The following USP34 variants were observed in gnomAD, a reference collection of about 807,000 sequenced individuals.
USP34 encodes the protein ubiquitin carboxyl-terminal hydrolase 34.
A neutral mutation model predicts 460.3 loss-of-function variants in USP34; 70 were observed. The observed-to-expected ratio is 0.15, with a 90% confidence interval of 0.13 to 0.19. The LOEUF (loss-of-function observed/expected upper bound fraction) is 0.19, where lower values mean the gene tolerates loss of function less well. Among genes scored for constraint, USP34 ranks in the 10% least tolerant of loss-of-function variants. The pLI is 1.00. For synonymous variants in USP34, 1,647 were observed against 1,405.3 expected, an observed-to-expected ratio of 1.17 and a Z score of -3.85; for missense variants, 3,985 against 4,236.2, an observed-to-expected ratio of 0.94 and a Z score of 1.65.
chr2:61,417,262 T>C lies in USP34; in HGVS notation c.131+3484A>G, dbSNP rs948153731. ...CTGAAAGGCCTGTCTCCAAGGTCCC[T>C]TAGAGCAACCTATACAACAAACAGG... On this transcript the variant is annotated intron_variant, in intron 2 of 79. Transcript: ENST00000398571. 16 of 1,127,248 alleles carry C rather than the reference T, an allele frequency of 1.4e-5. No individual in the cohort carries two copies. The African/African-American group carries it at 2.1e-4, about 15-fold the overall frequency. The allele number at this position is 1,127,248 out of a possible 1,614,324, so 69.8% of individuals were successfully genotyped here. A position where few individuals can be genotyped will look rare whatever the true frequency, so the allele number is the denominator to read the frequency against.
At chr2:61,436,637 A>G (rs576187915) in intron 1 of USP34, among the ~76,000 whole-genome samples, 9 of 152,336 alleles carry the variant, frequency 5.9e-5, no homozygotes, top group African/African-American at 2.2e-4. Flanking sequence ...GATCATCTAG[A>G]CAGAATATAA....
In USP34 at chr2:61,283,225, A is replaced by G. The variant is rs777303984; in HGVS notation, c.4918T>C (p.Cys1640Arg). 19 of 1,613,696 alleles carry G rather than the reference A, an allele frequency of 1.2e-5. No individual in the cohort carries two copies. In the Admixed American group the frequency reaches 2.8e-4, roughly 24 times the overall value. ...GCAAGGCTAGATTTCACTAAAGAAC[A>G]GCAATGAGCCCAACTCACCAAGAGC... is the stretch of plus-strand genomic sequence containing the variant. ...MWLLVSWAHCCSLVKSSLADS... is the reference protein window; with the variant it reads ...MWLLVSWAHCRSLVKSSLADS... Residue 1640 changes from cysteine (C) to arginine (R), a missense_variant, in exon 37 of 80, where the codon TGT becomes CGT. Transcript: ENST00000398571.
intron 2 of USP34, among the ~76,000 whole-genome samples, chr2:61,414,793 G>C (rs1259287028): frequency 2.6e-5 from 4 of 152,226 alleles, no homozygotes; most frequent in African/African-American, 9.6e-5. Flanking sequence ...GTTTCCTATT[G>C]GTTACTTGGT....
At chr2:61,336,759 A>G (rs369139000) in intron 18 of USP34, among the ~76,000 whole-genome samples, 27 of 145,112 alleles carry the variant, frequency 1.9e-4, no homozygotes, top group South Asian at 6.6e-4. Context: ...GTCGTCAGCC[A>G]AGATCATGTC....
At chr2:61,420,153 TAGA>T (rs1219356527) in intron 2 of USP34, among the ~76,000 whole-genome samples, 1 of 152,212 alleles carries the variant, frequency 6.6e-6, no homozygotes, top group Non-Finnish European at 1.5e-5. Context: ...TAAAATTTTT[TAGA>T]AGGACTAAGT....
In USP34 at chr2:61,378,477, A is replaced by G. The variant is rs989626825; in HGVS notation, c.1015-53T>C. 15 of 1,238,424 alleles carry G rather than the reference A, an allele frequency of 1.2e-5. No individual in the cohort carries two copies. The African/African-American group carries it at 2.1e-4, about 18-fold the overall frequency. 76.7% of individuals were successfully genotyped at this position (1,238,424 alleles called of 1,614,324 possible). A position where few individuals can be genotyped will look rare whatever the true frequency, so the allele number is the denominator to read the frequency against. On this transcript the variant is annotated intron_variant, in intron 7 of 79. Coordinates refer to ENST00000398571, the MANE Select transcript of USP34 (RefSeq NM_014709.4). ...TTTTTATTTCCAAAATTATTCTTGC[A>G]TTTGTCAGCAAATACTAACATGGTA... is the stretch of plus-strand genomic sequence containing the variant.
At chr2:61,260,235 C>G (rs551114837) in intron 43 of USP34, among the ~76,000 whole-genome samples, 6 of 152,320 alleles carry the variant, frequency 3.9e-5, no homozygotes, top group African/African-American at 1.4e-4. Flanking sequence ...GAATACCAGC[C>G]AGGATCTTTG....
intron 18 of USP34, among the ~76,000 whole-genome samples, chr2:61,337,159 C>A (rs773594187): frequency 5.9e-5 from 9 of 152,200 alleles, no homozygotes; most frequent in Admixed American, 1.3e-4. Context: ...GGAGCCTCTA[C>A]TGTGTCCCAT....
Position 61,375,911 on chromosome 2 carries a change from A to G in USP34, c.1076+2452T>C, listed in dbSNP as rs967182316. 2.0e-5 allele frequency among the ~76,000 whole-genome samples: 3 copies of G among 152,298 alleles called. No homozygotes were observed. The East Asian group carries it at 5.8e-4, about 29-fold the overall frequency. On this transcript the variant is annotated intron_variant, in intron 8 of 79. Transcript: ENST00000398571. ...AGTACAGAGACAAACTACAATCTCAATGAACCTCAAACAAACGAACAAGAG... is the reference window on the plus strand; with the variant it reads ...AGTACAGAGACAAACTACAATCTCAGTGAACCTCAAACAAACGAACAAGAG...
intron 67 of USP34, among the ~76,000 whole-genome samples, chr2:61,218,164 GTTT>G (rs202133746): frequency 6.9e-6 from 1 of 144,788 alleles, no homozygotes. Flanking sequence ...GTTCAGCATA[GTTT>G]TTTTTTTTTG....
intron 5 of USP34, among the ~76,000 whole-genome samples, chr2:61,394,312 A>C (rs1393951346): frequency 6.6e-6 from 1 of 152,052 alleles, no homozygotes; most frequent in Non-Finnish European, 1.5e-5. Context: ...CCAATAACCT[A>C]AAAAGTCAAA....
intron 57 of USP34, among the ~76,000 whole-genome samples, chr2:61,232,860 TCCC>T (rs1165219820): frequency 1.5e-5 from 1 of 66,424 alleles, no homozygotes; most frequent in Non-Finnish European, 2.7e-5. Context: ...ATATATATAT[TCCC>T]CCCCCCCTTT....
Position 61,288,720 on chromosome 2 carries a change from G to C in USP34, c.4706C>G (p.Ala1569Gly). ...RTWPGKSRKAAGDHAKGLHIP... is the reference protein window; with the variant it reads ...RTWPGKSRKAGGDHAKGLHIP... Reference sequence around the variant, plus strand: ...ATGAAGACCCTTAGCATGATCACCAGCAGCCTTCCTTGATTTGCCAGGCCA... The same window carrying C: ...ATGAAGACCCTTAGCATGATCACCACCAGCCTTCCTTGATTTGCCAGGCCA... Residue 1569 changes from alanine to glycine, a missense_variant, in exon 34 of 80, where the codon GCT (alanine) becomes GGT (glycine). Ala to Gly is a moderately conservative substitution (Grantham distance 60). This residue lies in a region of USP34 where 1,114 missense variants were observed against 1,122.5 expected (regional missense o/e 0.99). Transcript: ENST00000398571. The C allele has an allele frequency of 6.2e-7, 1 of 1,614,000 alleles. No individual in the cohort carries two copies. The highest frequency in any genetic ancestry group is 2.2e-5 in the East Asian group (1 of 44,872).
At chr2:61,412,189 C>CAAAAAAAAA (rs10581550) in intron 2 of USP34, among the ~76,000 whole-genome samples, 3 of 92,146 alleles carry the variant, frequency 3.3e-5, no homozygotes, top group Non-Finnish European at 4.4e-5. Context: ...AACTCCATCT[C>CAAAAAAAAA]AAAAAAAAAA....
chr2:61,460,379 T>C (rs1695563429), intron 1 of USP34, among the ~76,000 whole-genome samples: 1 of 152,208 alleles, frequency 6.6e-6, no homozygotes, highest in Non-Finnish European at 1.5e-5. Context: ...TAAGTAGCTG[T>C]CCTGGTTATC....
At chr2:61,412,428 A>G (rs915717242) in intron 2 of USP34, among the ~76,000 whole-genome samples, 3 of 152,128 alleles carry the variant, frequency 2.0e-5, no homozygotes, top group African/African-American at 7.2e-5. Context: ...TAACAATAAC[A>G]AAATTCAGAG....
intron 1 of USP34, among the ~76,000 whole-genome samples, chr2:61,427,293 G>A (rs1694541250): frequency 6.6e-6 from 1 of 152,234 alleles, no homozygotes; most frequent in South Asian, 2.1e-4. Flanking sequence ...CTCCCAAAGT[G>A]CTGGGATTAC....
chr2:61,311,822 G>A lies in USP34; in HGVS notation c.3631C>T (p.Leu1211=). The A allele has an allele frequency of 6.2e-7, 1 of 1,613,988 alleles. No homozygotes were observed. The highest frequency in any genetic ancestry group is 8.5e-7 in the Non-Finnish European group (1 of 1,179,938). Residue 1211 remains leucine, a synonymous_variant, in exon 26 of 80, where the codon CTA becomes TTA. Coordinates refer to ENST00000398571, the MANE Select transcript of USP34 (RefSeq NM_014709.4). ...CCAGCTGGCTGGCATACAACCCTTA[G>A]CGGCAGAGACTGTTTGTCACTCAGT... ...KALSDKQSLP[L]RVVCQPAGLP...
intron 1 of USP34, among the ~76,000 whole-genome samples, chr2:61,432,121 T>C (rs1318499919): frequency 6.6e-6 from 1 of 151,784 alleles, no homozygotes; most frequent in Non-Finnish European, 1.5e-5. Context: ...CAAGATTTGC[T>C]TGGGCCCAGG....
Sources: allele counts gnomAD v4.1 joint callset (sites outside exome capture counted in the v4.1 genomes callset), GRCh38; gene constraint gnomAD v4.1.1; regional missense constraint gnomAD v4.1.1; transcripts MANE v1.5; gene names NCBI Gene and HGNC (gene_info 2026-07-23, HGNC 2026-07-21).